SEC22A: variants seen among roughly 807,000 people sequenced by gnomAD.
SEC22A encodes SEC22 homolog A, vesicle trafficking protein.
In SEC22A, 22 loss-of-function variants were observed where a neutral mutation model predicts 35.3. The ratio of observed to expected loss-of-function variants is 0.62; its 90% CI spans 0.45 to 0.89. The LOEUF is 0.89. Ranked by LOEUF, SEC22A falls within the 40% of genes least tolerant of loss-of-function variation. The probability of loss-of-function intolerance (pLI) is 0.00; values close to 1 mark genes in which losing one functional copy is unlikely to be tolerated. For synonymous variants in SEC22A, 119 were observed against 129.5 expected (o/e 0.92, Z 0.55); for missense variants, 354 against 362.5 (o/e 0.98, Z 0.19).
chr3:123,219,664 G>T (rs376238496), intron 2 of SEC22A, among the ~76,000 whole-genome samples: 1 of 152,180 alleles, frequency 6.6e-6, no homozygotes, highest in Non-Finnish European at 1.5e-5. Context: ...AAACTACGTG[G>T]TGCTATTACT....
At chr3:123,204,296 A>T in intron 1 of SEC22A, among the ~76,000 whole-genome samples, 1 of 152,226 alleles carries the variant, frequency 6.6e-6, no homozygotes, top group East Asian at 1.9e-4. Context: ...CAATTCAAAG[A>T]CCAATATTAG....
At chr3:123,264,590 CAT>C (rs1294072107) in intron 6 of SEC22A, among the ~76,000 whole-genome samples, 1 of 149,806 alleles carries the variant, frequency 6.7e-6, no homozygotes, top group Non-Finnish European at 1.5e-5. Flanking sequence ...ATGTATTTGT[CAT>C]GTGTATATTC....
chr3:123,248,009 C>A (rs1937579995), intron 5 of SEC22A, among the ~76,000 whole-genome samples: 1 of 152,116 alleles, frequency 6.6e-6, no homozygotes, highest in African/African-American at 2.4e-5. Flanking sequence ...AATCCAAACC[C>A]CATCCATCAT....
At chr3:123,251,725 C>T (rs1937616213) in intron 5 of SEC22A, among the ~76,000 whole-genome samples, 1 of 149,058 alleles carries the variant, frequency 6.7e-6, no homozygotes, top group South Asian at 2.2e-4. Context: ...AAAATCAGTA[C>T]CTTTGCAAAT....
chr3:123,244,144 C>T (rs760430732), intron 4 of SEC22A, among the ~76,000 whole-genome samples: 2 of 152,056 alleles, frequency 1.3e-5, no homozygotes. Context: ...ATAGTTAATA[C>T]ATTAAAATGT....
intron 5 of SEC22A, among the ~76,000 whole-genome samples, chr3:123,255,690 A>G (rs1427451934): frequency 6.6e-6 from 1 of 152,154 alleles, no homozygotes; most frequent in Admixed American, 6.6e-5. Context: ...CATACTCAAT[A>G]CTAATTTGCA....
chr3:123,213,735 A>G (rs1383895365), intron 2 of SEC22A, among the ~76,000 whole-genome samples: 5 of 152,196 alleles, frequency 3.3e-5, no homozygotes, highest in African/African-American at 4.8e-5. Context: ...AAATTTGTGT[A>G]GAAATTGAGA....
At position 123,259,695 on chromosome 3, in the gene SEC22A, T is replaced by G. The variant is rs890547003; in HGVS notation, c.723+106T>G. Reference sequence around the variant, plus strand: ...ATAAATTATTAAAACTCTGAGTTCTTTGCTTCTCTTTTAATTTGAGCCTCT... The same window carrying G: ...ATAAATTATTAAAACTCTGAGTTCTGTGCTTCTCTTTTAATTTGAGCCTCT... On this transcript the variant is annotated intron_variant, in intron 6 of 6. Transcript: ENST00000492595. The G allele has an allele frequency of 3.8e-6, 3 of 793,234 alleles. No homozygotes were observed. The African/African-American group carries it at 5.3e-5, about 14-fold the overall frequency. 49.1% of individuals were successfully genotyped at this position (793,234 alleles called of 1,614,324 possible). A position where few individuals can be genotyped will look rare whatever the true frequency, so the allele number is the denominator to read the frequency against.
chr3:123,259,506 TTTA>T lies in SEC22A; in HGVS notation c.658-15_658-13del. 1 of 1,592,110 alleles carries T rather than the reference TTTA, an allele frequency of 6.3e-7. No individual in the cohort carries two copies. Among genetic ancestry groups the T allele is most frequent in the Middle Eastern group, 1.7e-4 (1 of 5,932 alleles). On this transcript the variant is annotated splice_polypyrimidine_tract_variant and intron_variant, in intron 5 of 6. Coordinates refer to ENST00000492595, the MANE Select transcript of SEC22A (RefSeq NM_012430.5). Reference sequence around the variant, plus strand: ...CTCCCACCGGAAACAAAAATAATCTTTTATTTTGCTTTTGCAGAGTGATGGTGA... The same window carrying T: ...CTCCCACCGGAAACAAAAATAATCTTTTTTGCTTTTGCAGAGTGATGGTGA...
At chr3:123,218,225 C>T (rs1937066442) in intron 2 of SEC22A, among the ~76,000 whole-genome samples, 1 of 152,036 alleles carries the variant, frequency 6.6e-6, no homozygotes, top group Non-Finnish European at 1.5e-5. Context: ...TTATACTTGA[C>T]CCTAAAGAAG....
chr3:123,218,445 GGAGA>G (rs760413106), intron 2 of SEC22A, among the ~76,000 whole-genome samples: 3 of 152,130 alleles, frequency 2.0e-5, no homozygotes, highest in African/African-American at 4.8e-5. Context: ...AGAGAAAAGA[GGAGA>G]GAGTGTGTGT....
intron 2 of SEC22A, among the ~76,000 whole-genome samples, chr3:123,217,962 C>T (rs1937061700): frequency 6.6e-6 from 1 of 152,158 alleles, no homozygotes; most frequent in Non-Finnish European, 1.5e-5. Flanking sequence ...TAGTTTGGTG[C>T]AACAGGCCAG....
intron 1 of SEC22A, among the ~76,000 whole-genome samples, chr3:123,205,658 C>CA (rs1936840191): frequency 1.3e-5 from 2 of 151,882 alleles, no homozygotes; most frequent in African/African-American, 4.8e-5. Context: ...GCCTGGGCAA[C>CA]AGAGTGAGAC....
chr3:123,253,771 T>G (rs1937655732), intron 5 of SEC22A, among the ~76,000 whole-genome samples: 1 of 151,606 alleles, frequency 6.6e-6, no homozygotes, highest in African/African-American at 2.4e-5. Context: ...TAACAGAACT[T>G]TTTCATTTAT....
chr3:123,249,115 C>G (rs1441003861), intron 5 of SEC22A, among the ~76,000 whole-genome samples: 1 of 152,058 alleles, frequency 6.6e-6, no homozygotes, highest in East Asian at 1.9e-4. Context: ...AAGGAAATTA[C>G]AAAGAATAAA....
intron 6 of SEC22A, among the ~76,000 whole-genome samples, chr3:123,261,921 TGGTGTCACTCA>T (rs1937902582): frequency 6.6e-6 from 1 of 152,116 alleles, no homozygotes; most frequent in Non-Finnish European, 1.5e-5. Flanking sequence ...CGTGGTAGAG[TGGTGTCACTCA>T]GGTGTTCTTT....
chr3:123,226,402 A>G (rs1269123312), intron 4 of SEC22A, among the ~76,000 whole-genome samples: 1 of 152,170 alleles, frequency 6.6e-6, no homozygotes, highest in Non-Finnish European at 1.5e-5. Flanking sequence ...CTGAGGTGAA[A>G]TGATGTCTCG....
intron 2 of SEC22A, among the ~76,000 whole-genome samples, chr3:123,209,865 A>G (rs1245362868): frequency 6.6e-6 from 1 of 152,228 alleles, no homozygotes; most frequent in Admixed American, 6.5e-5. Flanking sequence ...TGAGAGGGTG[A>G]CATTTGAGCA....
At chr3:123,262,129 A>G (rs1188605961) in intron 6 of SEC22A, among the ~76,000 whole-genome samples, 2 of 152,186 alleles carry the variant, frequency 1.3e-5, no homozygotes, top group Non-Finnish European at 2.9e-5. Flanking sequence ...CTCTGTCTCC[A>G]GTTGTCAGGA....
Sources: gnomAD v4.1 joint callset for allele counts (sites outside exome capture counted in the v4.1 genomes callset) on GRCh38, gnomAD v4.1.1 for gene constraint, MANE v1.5 for transcripts, NCBI Gene and HGNC (gene_info 2026-07-23, HGNC 2026-07-21) for gene names.